The following DLG1 variants were observed in gnomAD, a reference collection of about 807,000 sequenced individuals.
DLG1 encodes disks large homolog 1.
A neutral mutation model predicts 123.4 loss-of-function variants in DLG1; 42 were observed. The observed-to-expected ratio is 0.34, with a 90% CI of 0.27 to 0.44. DLG1 has a LOEUF of 0.44. Ranked by LOEUF, DLG1 falls within the 20% of genes least tolerant of loss-of-function variation. DLG1 has a pLI of 1.00. For synonymous variants in DLG1, 317 were observed against 356.2 expected (o/e 0.89, Z 1.24); for missense variants, 942 against 1,082.6 (o/e 0.87, Z 1.82).
At chr3:197,058,353 T>C (rs1733325062) in intron 23 of DLG1, among the ~76,000 whole-genome samples, 1 of 152,228 alleles carries the variant, frequency 6.6e-6, no homozygotes, top group African/African-American at 2.4e-5. Flanking sequence ...TTTCCTAACA[T>C]TTAAAGCTGT....
intron 4 of DLG1, among the ~76,000 whole-genome samples, chr3:197,206,546 C>T (rs1404119283): frequency 6.6e-6 from 1 of 152,164 alleles, no homozygotes; most frequent in East Asian, 1.9e-4. Context: ...AGCGATACAC[C>T]TGCCTCAGCC....
At chr3:197,250,047 T>C (rs1753615606) in intron 4 of DLG1, among the ~76,000 whole-genome samples, 2 of 152,064 alleles carry the variant, frequency 1.3e-5, no homozygotes, top group Admixed American at 6.6e-5. Context: ...CATATAGTAC[T>C]GGAAAAGCAG....
chr3:197,167,643 AAAGTCTAACGTT>A, intron 5 of DLG1, among the ~76,000 whole-genome samples: 1 of 152,362 alleles, frequency 6.6e-6, no homozygotes, highest in South Asian at 2.1e-4. Context: ...CAAAGTCATG[AAAGTCTAACGTT>A]ATTTTTAATT....
At chr3:197,156,997 G>A (rs922065714) in intron 5 of DLG1, among the ~76,000 whole-genome samples, 2 of 152,140 alleles carry the variant, frequency 1.3e-5, no homozygotes, top group African/African-American at 4.8e-5. Flanking sequence ...AAGTGCACAT[G>A]GGAATAGAAG....
chr3:197,183,607 C>A, intron 5 of DLG1: 1 of 1,550,426 alleles, frequency 6.4e-7, no homozygotes, highest in South Asian at 1.2e-5. Context: ...GAGATGCAGT[C>A]AATAAAGCTG....
At chr3:197,131,411 C>G (rs550605376) in intron 10 of DLG1, among the ~76,000 whole-genome samples, 1 of 151,466 alleles carries the variant, frequency 6.6e-6, no homozygotes, top group East Asian at 1.9e-4. Flanking sequence ...GATTTTTTTT[C>G]AATTATTTTT....
intron 7 of DLG1, 30 bp from the exon 8 acceptor site, chr3:197,140,294 G>C (rs1239759821): frequency 6.2e-7 from 1 of 1,606,352 alleles, no homozygotes; most frequent in African/African-American, 1.3e-5. Flanking sequence ...AATTGAGACT[G>C]AATATGATTT....
chr3:197,054,042 G>C (rs999445177), intron 23 of DLG1, among the ~76,000 whole-genome samples: 1 of 152,042 alleles, frequency 6.6e-6, no homozygotes, highest in South Asian at 2.1e-4. Flanking sequence ...AGTAACCTGG[G>C]TAAGCAGCGA....
intron 4 of DLG1, among the ~76,000 whole-genome samples, chr3:197,222,994 G>A (rs541118119): frequency 2.0e-5 from 3 of 152,208 alleles, no homozygotes; most frequent in Admixed American, 6.5e-5. Context: ...AGGGACCTTA[G>A]GCTCCGGCCT....
At chr3:197,195,745 G>T (rs903415796) in intron 4 of DLG1, among the ~76,000 whole-genome samples, 1 of 152,078 alleles carries the variant, frequency 6.6e-6, no homozygotes, top group Non-Finnish European at 1.5e-5. Flanking sequence ...GAGGTAGAAG[G>T]GGGTGTGGGG....
intron 4 of DLG1, among the ~76,000 whole-genome samples, chr3:197,244,097 T>C (rs1306439913): frequency 1.3e-5 from 2 of 152,218 alleles, no homozygotes; most frequent in African/African-American, 2.4e-5. Context: ...TGGAAGGGCT[T>C]AAGCTCACTG....
intron 4 of DLG1, among the ~76,000 whole-genome samples, chr3:197,272,770 A>C (rs1161192183): frequency 1.3e-5 from 2 of 152,242 alleles, no homozygotes; most frequent in Non-Finnish European, 2.9e-5. Context: ...CTTTATATGC[A>C]ATTTAAAAGA....
Position 197,117,971 on chromosome 3 carries a change from A to AT in DLG1, c.1286+1438dup, listed in dbSNP as rs558203501. On this transcript the variant is annotated intron_variant, in intron 12 of 24. Coordinates refer to ENST00000667157, the MANE Select transcript of DLG1 (RefSeq NM_001366207.1). ...AGAACCAAAATGTAGGTATGTTGTG[A>AT]TTTTTTTTTTTACTTTTTTGATATT... is the stretch of plus-strand genomic sequence containing the variant. Among the ~76,000 whole-genome samples, 1,144 of 148,702 alleles carry AT rather than the reference A, an allele frequency of 7.7e-3. 5 individuals carry two copies. The highest frequency in any genetic ancestry group is 0.023 in the South Asian group (108 of 4,708).
chr3:197,121,643 T>G (rs978134806), intron 11 of DLG1, among the ~76,000 whole-genome samples: 2 of 152,014 alleles, frequency 1.3e-5, no homozygotes, highest in African/African-American at 4.8e-5. Flanking sequence ...ATAAACATTG[T>G]GGCTCTTTAT....
At chr3:197,072,761 C>T (rs1465755577) in intron 18 of DLG1, among the ~76,000 whole-genome samples, 2 of 151,844 alleles carry the variant, frequency 1.3e-5, no homozygotes, top group Admixed American at 6.6e-5. Flanking sequence ...GGCGTGATCT[C>T]GGCTTACTGC....
chr3:197,160,368 T>TAA (rs11461979), intron 5 of DLG1, among the ~76,000 whole-genome samples: 525 of 141,772 alleles, frequency 3.7e-3, no homozygotes, highest in South Asian at 5.8e-3. Context: ...TCAATTCTAT[T>TAA]AAAAAAAAAA....
intron 4 of DLG1, among the ~76,000 whole-genome samples, chr3:197,223,426 A>C (rs889916053): frequency 6.6e-6 from 1 of 152,218 alleles, no homozygotes; most frequent in Non-Finnish European, 1.5e-5. Flanking sequence ...CAGAATGGTT[A>C]AGAGGTAAAC....
At chr3:197,087,138 C>T (rs1424921299) in intron 15 of DLG1, among the ~76,000 whole-genome samples, 1 of 152,204 alleles carries the variant, frequency 6.6e-6, no homozygotes, top group African/African-American at 2.4e-5. Context: ...TCCCTCTGAT[C>T]CTGATTCCCT....
At chr3:197,234,632 A>G (rs1745000218) in intron 4 of DLG1, among the ~76,000 whole-genome samples, 1 of 152,196 alleles carries the variant, frequency 6.6e-6, no homozygotes, top group Admixed American at 6.5e-5. Flanking sequence ...CAAACAAACA[A>G]AAACACAATA....
Sources: gnomAD v4.1 joint callset for allele counts (sites outside exome capture counted in the v4.1 genomes callset) on GRCh38, gnomAD v4.1.1 for gene constraint, MANE v1.5 for transcripts, NCBI Gene and HGNC (gene_info 2026-07-23, HGNC 2026-07-21) for gene names.